MORC1: variants seen among roughly 807,000 people sequenced by gnomAD.
MORC1 encodes the protein MORC family CW-type zinc finger 1.
MORC1 carries 59 observed loss-of-function variants against 134.9 expected under a neutral mutation model. The ratio of observed to expected loss-of-function variants is 0.44; its 90% CI spans 0.35 to 0.54. The LOEUF (loss-of-function observed/expected upper bound fraction) is 0.54. Ranked by LOEUF, MORC1 falls within the 20% of genes least tolerant of loss-of-function variation. MORC1 has a pLI of 0.00. For missense variants in MORC1, 947 were observed against 1,134.5 expected, an observed-to-expected ratio of 0.83 and a Z score of 2.37; for synonymous variants, 395 against 391.7, an observed-to-expected ratio of 1.01 and a Z score of -0.10.
chr3:109,111,860 T>G (rs1256794989), intron 2 of MORC1, among the ~76,000 whole-genome samples: 1 of 152,154 alleles, frequency 6.6e-6, no homozygotes, highest in Non-Finnish European at 1.5e-5. Context: ...CCCATATAGC[T>G]CCTTCCTCTA....
At chr3:109,071,117 A>C (rs1235236866) in intron 8 of MORC1, among the ~76,000 whole-genome samples, 1 of 152,156 alleles carries the variant, frequency 6.6e-6, no homozygotes, top group African/African-American at 2.4e-5. Context: ...AAAGAAACGG[A>C]AAGAAGTTAC....
chr3:109,010,979 C>T (rs1948667737), intron 17 of MORC1, among the ~76,000 whole-genome samples: 1 of 152,122 alleles, frequency 6.6e-6, no homozygotes, highest in African/African-American at 2.4e-5. Context: ...ACAAGTTTTG[C>T]GGTGGATATA....
At chr3:109,058,369 A>G (rs1431971473) in intron 12 of MORC1, among the ~76,000 whole-genome samples, 2 of 152,156 alleles carry the variant, frequency 1.3e-5, no homozygotes, top group African/African-American at 4.8e-5. Context: ...TTAGGTATAT[A>G]ACAATCATTA....
chr3:109,018,653 T>C (rs547095966), intron 17 of MORC1, among the ~76,000 whole-genome samples: 2 of 152,308 alleles, frequency 1.3e-5, no homozygotes, highest in African/African-American at 4.8e-5. Flanking sequence ...GATCTGACTC[T>C]CACCCAATCC....
rs537218446 is a variant in MORC1 at position 108,993,505 on chromosome 3, G to A, written c.2188-6556C>T. On this transcript the variant is annotated intron_variant, in intron 21 of 27. Coordinates refer to ENST00000232603, the MANE Select transcript of MORC1 (RefSeq NM_014429.4). Reference sequence around the variant, plus strand: ...CAGCTCTGGTTTGCATTTTGTAAGAGGGCTTCCCGTGAAATGTCTAGTATT... The same window carrying A: ...CAGCTCTGGTTTGCATTTTGTAAGAAGGCTTCCCGTGAAATGTCTAGTATT... Among the ~76,000 whole-genome samples the A allele has an allele frequency of 4.6e-5, 7 of 152,256 alleles. No individual in the cohort carries two copies. In the East Asian group the frequency reaches 7.7e-4, roughly 17 times the overall value.
chr3:108,985,858 A>G (rs1255526133), intron 22 of MORC1, among the ~76,000 whole-genome samples: 1 of 152,176 alleles, frequency 6.6e-6, no homozygotes, highest in African/African-American at 2.4e-5. Flanking sequence ...ATTGGCTTTA[A>G]AATTAAGACA....
At chr3:109,019,117 A>C (rs146932352) in intron 17 of MORC1, 73 of 152,262 alleles carry the variant, frequency 4.8e-4, no homozygotes, top group African/African-American at 1.7e-3. Flanking sequence ...ATACAGTCTT[A>C]ATCTTCTTCT....
rs189309084 is a variant in MORC1 at position 109,061,032 on chromosome 3, T to C, written c.966+956A>G. 7.3e-5 allele frequency among the ~76,000 whole-genome samples: 11 copies of C among 150,376 alleles called. No homozygotes were observed. In the East Asian group the frequency reaches 7.8e-4, roughly 11 times the overall value. ...AACTAAGAGAATTTGGGGCAAGCCA[T>C]GGATAGAATTAACTTTGGGGCATTA... On this transcript the variant is annotated intron_variant, in intron 11 of 27. Coordinates refer to ENST00000232603, the MANE Select transcript of MORC1 (RefSeq NM_014429.4).
intron 20 of MORC1, among the ~76,000 whole-genome samples, chr3:109,001,729 T>C (rs982991271): frequency 1.3e-5 from 2 of 152,234 alleles, no homozygotes; most frequent in East Asian, 1.9e-4. Flanking sequence ...CTAGTCCTTC[T>C]TTTCTTCTTA....
At chr3:109,040,361 A>T (rs62272159) in intron 14 of MORC1, among the ~76,000 whole-genome samples, 2,349 of 77,052 alleles carry the variant, frequency 0.03, 52 homozygotes, top group South Asian at 0.067. Flanking sequence ...ACTGAAAGAA[A>T]GAAAGAAAGA....
At chr3:109,081,094 TTAGAG>T (rs1273919901) in intron 8 of MORC1, among the ~76,000 whole-genome samples, 1 of 152,156 alleles carries the variant, frequency 6.6e-6, no homozygotes, top group Non-Finnish European at 1.5e-5. Context: ...ACTAAGATTC[TTAGAG>T]TAAATTATAA....
chr3:109,012,887 T>G (rs1948728654), intron 17 of MORC1, among the ~76,000 whole-genome samples: 1 of 152,208 alleles, frequency 6.6e-6, no homozygotes, highest in African/African-American at 2.4e-5. Context: ...TCTGAGTGCC[T>G]TTTCTTTCTT....
At chr3:109,058,355 C>A (rs1004805246) in intron 12 of MORC1, among the ~76,000 whole-genome samples, 1 of 152,072 alleles carries the variant, frequency 6.6e-6, no homozygotes, top group Non-Finnish European at 1.5e-5. Context: ...AAGCCTGGAA[C>A]AGATTAGGTA....
At chr3:108,974,161 T>C (rs1036332207) in intron 24 of MORC1, among the ~76,000 whole-genome samples, 1 of 152,080 alleles carries the variant, frequency 6.6e-6, no homozygotes. Flanking sequence ...CTAAATAGCT[T>C]CTCCCTTGGA....
chr3:109,069,882 TAAAACTA>T (rs1950279986), intron 8 of MORC1, 125 bp from the exon 9 acceptor site: 1 of 1,037,462 alleles, frequency 9.6e-7, no homozygotes, highest in South Asian at 2.6e-5. Context: ...ACTTTTCTTC[TAAAACTA>T]ATGACACCAC....
chr3:109,076,214 C>A lies in MORC1; in HGVS notation c.690-6457G>T, dbSNP rs541544365. 1.2e-3 allele frequency among the ~76,000 whole-genome samples: 184 copies of A among 152,096 alleles called. 2 individuals are homozygous for A. The highest frequency in any genetic ancestry group is 2.0e-3 in the Non-Finnish European group (133 of 67,980). ...CAAAAGAAGACATTTATGTGGCCAA[C>A]AAACGTATGAAAAAAAGCTCATCAT... On this transcript the variant is annotated intron_variant, in intron 8 of 27. Coordinates refer to ENST00000232603, the MANE Select transcript of MORC1 (RefSeq NM_014429.4).
At chr3:108,990,216 G>C (rs1340446846) in intron 21 of MORC1, among the ~76,000 whole-genome samples, 1 of 151,920 alleles carries the variant, frequency 6.6e-6, no homozygotes, top group Non-Finnish European at 1.5e-5. Context: ...TACCTTTATG[G>C]AACACATTTT....
At chr3:109,015,024 T>C (rs1948784092) in intron 17 of MORC1, among the ~76,000 whole-genome samples, 1 of 152,138 alleles carries the variant, frequency 6.6e-6, no homozygotes, top group Non-Finnish European at 1.5e-5. Context: ...TAGCTGGGGT[T>C]ACAGGCACCT....
chr3:109,065,867 T>C (rs1420247909), intron 9 of MORC1, among the ~76,000 whole-genome samples: 1 of 152,182 alleles, frequency 6.6e-6, no homozygotes, highest in East Asian at 1.9e-4. Context: ...TTCTTTGCAG[T>C]GACATAATGC....
Sources: allele counts gnomAD v4.1 joint callset (sites outside exome capture counted in the v4.1 genomes callset), GRCh38; gene constraint gnomAD v4.1.1; transcripts MANE v1.5; gene names NCBI Gene and HGNC (gene_info 2026-07-23, HGNC 2026-07-21).